FAM120A: variants seen among roughly 807,000 people sequenced by gnomAD.
FAM120A encodes the protein family with sequence similarity 120 member A, also known as constitutive coactivator of PPAR-gamma-like protein 1.
A neutral mutation model predicts 109.7 loss-of-function variants in FAM120A; 15 were observed. The ratio of observed to expected loss-of-function variants is 0.14; its 90% confidence interval spans 0.09 to 0.21. The LOEUF is 0.21. Ranked by LOEUF, FAM120A falls within the 10% of genes least tolerant of loss-of-function variation. The pLI, the probability that FAM120A is intolerant of heterozygous loss-of-function variation, is 1.00. For synonymous variants in FAM120A, 493 were observed against 572.8 expected (o/e 0.86, Z 1.99); for missense variants, 899 against 1,439.3 (o/e 0.62, Z 6.07).
chr9:93,537,866 G>C (rs779387930), intron 10 of FAM120A, among the ~76,000 whole-genome samples: 2 of 152,166 alleles, frequency 1.3e-5, no homozygotes, highest in Non-Finnish European at 2.9e-5. Flanking sequence ...TAATAAGTCT[G>C]TCTGAATTTC....
Position 93,452,682 on chromosome 9 carries a change from C to G in FAM120A, c.474+293C>G, listed in dbSNP as rs1363268158. 1.3e-6 allele frequency: 2 copies of G among 1,598,766 alleles called. No homozygotes were observed. The highest frequency in any genetic ancestry group is 3.3e-5 in the Admixed American group (2 of 60,024). ...CAGAATTCGGAGGCGACAGTGTCAT[C>G]ATCCCCAATATCCTTAGTTTTTCCC... is the stretch of plus-strand genomic sequence containing the variant. On this transcript the variant is annotated intron_variant, in intron 1 of 17. Coordinates refer to ENST00000277165, the MANE Select transcript of FAM120A (RefSeq NM_014612.5). The surrounding 1 kb of genome is among the most constrained non-coding windows in gnomAD (Gnocchi z 7.0).
chr9:93,553,962 T>G (rs1862193599), intron 12 of FAM120A, among the ~76,000 whole-genome samples: 2 of 152,182 alleles, frequency 1.3e-5, no homozygotes, highest in Admixed American at 6.5e-5. Flanking sequence ...AAATTTACAC[T>G]GCAGTCAAGA....
intron 1 of FAM120A, among the ~76,000 whole-genome samples, chr9:93,469,567 A>G (rs1485259414): frequency 6.6e-6 from 1 of 152,224 alleles, no homozygotes; most frequent in African/African-American, 2.4e-5. Flanking sequence ...AAGAACTTGG[A>G]TTAGAAATTA....
chr9:93,505,877 G>C (rs1860029890), intron 5 of FAM120A, among the ~76,000 whole-genome samples: 1 of 134,086 alleles, frequency 7.5e-6, no homozygotes, highest in Admixed American at 7.7e-5. Context: ...ATACTACCTG[G>C]CACTGAATTT....
At position 93,507,071 on chromosome 9, in the gene FAM120A, G is replaced by T. The variant is rs374060314; in HGVS notation, c.1030+8185G>T. 7.2e-5 allele frequency among the ~76,000 whole-genome samples: 11 copies of T among 152,154 alleles called. No homozygotes were observed. The East Asian group carries it at 1.2e-3, about 16-fold the overall frequency. Reference sequence around the variant, plus strand: ...AGTTTTAATCTGGGAGTGGTGTGCTGAGGTGTGCATTTGAATTGCTTGGGC... The same window carrying T: ...AGTTTTAATCTGGGAGTGGTGTGCTTAGGTGTGCATTTGAATTGCTTGGGC... On this transcript the variant is annotated intron_variant, in intron 5 of 17. Coordinates refer to ENST00000277165, the MANE Select transcript of FAM120A (RefSeq NM_014612.5).
intron 7 of FAM120A, among the ~76,000 whole-genome samples, chr9:93,518,742 G>A (rs931048405): frequency 6.6e-6 from 1 of 152,186 alleles, no homozygotes; most frequent in Admixed American, 6.5e-5. Flanking sequence ...AAAGAAGTGA[G>A]CCAGCTGATG....
intron 7 of FAM120A, among the ~76,000 whole-genome samples, chr9:93,516,775 G>A (rs899039321): frequency 6.6e-6 from 1 of 150,982 alleles, no homozygotes; most frequent in African/African-American, 2.5e-5. Context: ...GGCTGGAATT[G>A]TTTCCTTAGA....
chr9:93,482,392 T>A (rs1043419000), intron 3 of FAM120A, among the ~76,000 whole-genome samples: 2 of 152,114 alleles, frequency 1.3e-5, no homozygotes, highest in South Asian at 2.1e-4. Flanking sequence ...GATTTCACCT[T>A]GTTGCCCAGG....
chr9:93,537,408 C>T (rs1326034353), intron 10 of FAM120A, among the ~76,000 whole-genome samples: 5 of 152,140 alleles, frequency 3.3e-5, no homozygotes, highest in South Asian at 4.2e-4. Context: ...CTCAGTGATT[C>T]GCACATTTTT....
In FAM120A at chr9:93,564,276, T is replaced by G; in HGVS notation, c.3093T>G (p.Leu1031=). Reference sequence around the variant, plus strand: ...CAGCAGAAGAAGTGGCCAAAGAACTTAAGTCAAAATCTGGGGAATCGAAGT... The same window carrying G: ...CAGCAGAAGAAGTGGCCAAAGAACTGAAGTCAAAATCTGGGGAATCGAAGT... ...AASAEEVAKE[L]KSKSGESKSS... The change falls in exon 18 of 18, where the codon CTT becomes CTG. Residue 1031 remains leucine, a synonymous_variant. Coordinates refer to ENST00000277165, the MANE Select transcript of FAM120A (RefSeq NM_014612.5). 6.2e-7 allele frequency: 1 copy of G among 1,613,936 alleles called. No homozygotes were observed. The highest frequency in any genetic ancestry group is 8.5e-7 in the Non-Finnish European group (1 of 1,179,826).
chr9:93,532,288 C>T lies in FAM120A; in HGVS notation c.1868C>T (p.Thr623Ile), dbSNP rs1300595491. 6.2e-7 allele frequency: 1 copy of T among 1,614,182 alleles called. No homozygotes were observed. The highest frequency in any genetic ancestry group is 1.7e-5 in the Admixed American group (1 of 60,028). Reference protein sequence around the residue: ...LFSLAESRKKTERLAFRKNRL... With the variant: ...LFSLAESRKKIERLAFRKNRL... Reference sequence around the variant, plus strand: ...AGTTTGGCAGAAAGCAGAAAGAAAACTGAGAGACTTGCTTTTAGAAAGAAC... The same window carrying T: ...AGTTTGGCAGAAAGCAGAAAGAAAATTGAGAGACTTGCTTTTAGAAAGAAC... Residue 623 changes from threonine to isoleucine, a missense_variant, in exon 10 of 18, where the codon ACT becomes ATT. Around this residue, in one of 11 missense-constraint regions of FAM120A, gnomAD observed 133 missense variants for 276.6 expected, o/e 0.48. Transcript: ENST00000277165. This position sits in a 1 kb window ranked among gnomAD's most constrained non-coding sequence, Gnocchi z 4.3.
chr9:93,551,331 G>A (rs1862089148), intron 12 of FAM120A, among the ~76,000 whole-genome samples: 1 of 152,026 alleles, frequency 6.6e-6, no homozygotes, highest in Non-Finnish European at 1.5e-5. Context: ...TTTCAGTGTG[G>A]ATATCTTTTT....
At chr9:93,557,750 A>G in intron 13 of FAM120A, 77 bp from the exon 14 acceptor site, 1 of 1,390,214 alleles carries the variant, frequency 7.2e-7, no homozygotes, top group Non-Finnish European at 9.8e-7. Context: ...GATAGATCTT[A>G]TTTCTTTAGT....
At chr9:93,510,934 A>G (rs1860289841) in intron 5 of FAM120A, among the ~76,000 whole-genome samples, 2 of 151,682 alleles carry the variant, frequency 1.3e-5, no homozygotes, top group Non-Finnish European at 2.9e-5. Flanking sequence ...CCCTCTCACT[A>G]TCCACATTCA....
chr9:93,562,392 A>G (rs1862498499), intron 17 of FAM120A, 88 bp downstream of exon 17: 1 of 953,742 alleles, frequency 1.0e-6, no homozygotes, highest in Admixed American at 1.9e-5. Flanking sequence ...CTGCGCTCAG[A>G]CAGAAGAGCT....
At position 93,564,558 on chromosome 9, in the gene FAM120A, G is replaced by A; in HGVS notation, c.*18G>A. The A allele has an allele frequency of 1.3e-6, 2 of 1,580,736 alleles. No homozygotes were observed. Among genetic ancestry groups the A allele is most frequent in the South Asian group, 2.3e-5 (2 of 88,534 alleles). ...AAGAGTAAACTTATTTTTTATAGAG[G>A]GTGAAGGATGCTGGAAGGGTAAGGA... On this transcript the variant is annotated 3_prime_UTR_variant, in exon 18 of 18. Transcript: ENST00000277165.
chr9:93,539,293 G>A (rs957962089), intron 10 of FAM120A, among the ~76,000 whole-genome samples: 4 of 152,182 alleles, frequency 2.6e-5, no homozygotes, highest in African/African-American at 9.7e-5. Context: ...CACCGCGCCT[G>A]GCCGCCCTAG....
chr9:93,561,675 G>T (rs1862471802), intron 16 of FAM120A, among the ~76,000 whole-genome samples: 1 of 152,162 alleles, frequency 6.6e-6, no homozygotes, highest in African/African-American at 2.4e-5. Context: ...GATTACAGGT[G>T]TGAGCCACTG....
chr9:93,487,740 G>A (rs1298181524), intron 3 of FAM120A, among the ~76,000 whole-genome samples: 1 of 152,216 alleles, frequency 6.6e-6, no homozygotes, highest in African/African-American at 2.4e-5. Context: ...TTTCTTGATT[G>A]TGATAGTAGT....
Sources: allele counts gnomAD v4.1 joint callset (sites outside exome capture counted in the v4.1 genomes callset), GRCh38; gene constraint gnomAD v4.1.1; regional missense constraint gnomAD v4.1.1; non-coding constraint Gnocchi (gnomAD v3.1); transcripts MANE v1.5; gene names NCBI Gene and HGNC (gene_info 2026-07-23, HGNC 2026-07-21).